TMEM132B: variants seen among roughly 807,000 people sequenced by gnomAD.
The protein encoded by TMEM132B is transmembrane protein 132B.
In TMEM132B, 18 loss-of-function variants were observed where a neutral mutation model predicts 90.8. The observed-to-expected ratio is 0.20, with a 90% CI of 0.14 to 0.29. TMEM132B has a LOEUF of 0.29. Among genes scored for constraint, TMEM132B ranks in the 10% least tolerant of loss-of-function variants. The pLI is 1.00. For synonymous variants in TMEM132B, 504 were observed against 523.3 expected, an observed-to-expected ratio of 0.96 and a Z score of 0.50; for missense variants, 1,096 against 1,326.8, an observed-to-expected ratio of 0.83 and a Z score of 2.70.
chr12:125,557,372 C>T (rs1289711017), intron 4 of TMEM132B, among the ~76,000 whole-genome samples: 4 of 152,036 alleles, frequency 2.6e-5, no homozygotes, highest in Non-Finnish European at 4.4e-5. Context: ...GGGTCTGCCT[C>T]CCCTGAGATC....
intron 3 of TMEM132B, among the ~76,000 whole-genome samples, chr12:125,467,440 C>T (rs1347261244): frequency 6.6e-6 from 1 of 152,022 alleles, no homozygotes; most frequent in Non-Finnish European, 1.5e-5. Flanking sequence ...CCTCCCCCAC[C>T]CTCTTCTTCT....
chr12:125,572,163 A>G (rs957510162), intron 4 of TMEM132B, among the ~76,000 whole-genome samples: 2 of 152,226 alleles, frequency 1.3e-5, no homozygotes, highest in African/African-American at 4.8e-5. Flanking sequence ...AGGACATACA[A>G]TGCATATTTA....
chr12:125,458,882 T>C lies in TMEM132B; in HGVS notation c.1106+43205T>C, dbSNP rs116571001. Among the ~76,000 whole-genome samples, 1,026 of 152,330 alleles carry C rather than the reference T, an allele frequency of 6.7e-3. 14 individuals are homozygous for C. Among genetic ancestry groups the C allele is most frequent in the African/African-American group, 0.023 (955 of 41,586 alleles). Reference sequence around the variant, plus strand: ...GGCTGTCTTTATTTTAGTTCCATGCTATGACACTCCTGACAGCACAGATGT... The same window carrying C: ...GGCTGTCTTTATTTTAGTTCCATGCCATGACACTCCTGACAGCACAGATGT... On this transcript the variant is annotated intron_variant, in intron 3 of 8. Coordinates refer to ENST00000682704, the MANE Select transcript of TMEM132B (RefSeq NM_001366854.1). This position sits in a 1 kb window ranked among gnomAD's most constrained non-coding sequence, Gnocchi z 4.9.
chr12:125,349,447 T>C lies in TMEM132B; in HGVS notation c.68-5T>C. 6.3e-7 allele frequency: 1 copy of C among 1,598,246 alleles called. No homozygotes were observed. Reference sequence around the variant, plus strand: ...TTTATTCTTTTGCTTTCCTTTCTTGTGCAGTGACAGAGAGTCGAGGGATTG... The same window carrying C: ...TTTATTCTTTTGCTTTCCTTTCTTGCGCAGTGACAGAGAGTCGAGGGATTG... On this transcript the variant is annotated splice_polypyrimidine_tract_variant and splice_region_variant and intron_variant, in intron 1 of 8. Coordinates refer to ENST00000682704, the MANE Select transcript of TMEM132B (RefSeq NM_001366854.1). The surrounding 1 kb of genome is among the most constrained non-coding windows in gnomAD (Gnocchi z 4.1).
At chr12:125,514,236 T>C (rs1883050673) in intron 3 of TMEM132B, among the ~76,000 whole-genome samples, 1 of 151,786 alleles carries the variant, frequency 6.6e-6, no homozygotes, top group Non-Finnish European at 1.5e-5. Flanking sequence ...GGGTATCCTA[T>C]TGGGTCTTTT....
chr12:125,403,950 T>C (rs904453535), intron 2 of TMEM132B, among the ~76,000 whole-genome samples: 1 of 152,168 alleles, frequency 6.6e-6, no homozygotes, highest in African/African-American at 2.4e-5. Context: ...TCTGGGATCT[T>C]TGATCTAAGG....
At chr12:125,515,257 CAT>C (rs1277345681) in intron 3 of TMEM132B, among the ~76,000 whole-genome samples, 1 of 150,798 alleles carries the variant, frequency 6.6e-6, no homozygotes, top group Non-Finnish European at 1.5e-5. Context: ...CACACACACA[CAT>C]TCATACATTC....
intron 3 of TMEM132B, among the ~76,000 whole-genome samples, chr12:125,499,600 G>T (rs929452731): frequency 1.3e-5 from 2 of 152,154 alleles, no homozygotes; most frequent in South Asian, 4.1e-4. Context: ...ATAAGTGGAC[G>T]CATGGGGGGT....
intron 5 of TMEM132B, among the ~76,000 whole-genome samples, chr12:125,601,504 A>G (rs1885570502): frequency 3.3e-5 from 5 of 152,214 alleles, no homozygotes; most frequent in Admixed American, 3.3e-4. Context: ...TGCCCACATT[A>G]GAAACCTAGA....
chr12:125,482,652 G>T (rs921046535), intron 3 of TMEM132B, among the ~76,000 whole-genome samples: 1 of 152,170 alleles, frequency 6.6e-6, no homozygotes, highest in Non-Finnish European at 1.5e-5. Flanking sequence ...TGGTGGGAGT[G>T]TAAACTAGTT....
chr12:125,622,314 A>G (rs1481572046), intron 5 of TMEM132B: 2 of 199,094 alleles, frequency 1.0e-5, no homozygotes, highest in African/African-American at 4.7e-5. Context: ...TTACACTGGA[A>G]TAGTATGTTA....
chr12:125,489,888 C>A (rs147930781), intron 3 of TMEM132B, among the ~76,000 whole-genome samples: 1 of 152,294 alleles, frequency 6.6e-6, no homozygotes, highest in African/African-American at 2.4e-5. Flanking sequence ...GGTTCTGGAA[C>A]CTTCAGAGGC....
At chr12:125,466,829 T>A (rs532506758) in intron 3 of TMEM132B, among the ~76,000 whole-genome samples, 35 of 152,218 alleles carry the variant, frequency 2.3e-4, no homozygotes, top group Admixed American at 6.5e-4. Context: ...CATTGAGGGC[T>A]TAGTCTGGAC....
In TMEM132B at chr12:125,445,807, A is replaced by G. The variant is rs367580142; in HGVS notation, c.1106+30130A>G. ...GTTGGCTCCTTTGACTTGGAGACAG[A>G]CATCTCACACCTCAGGCCATGTGCT... On this transcript the variant is annotated intron_variant, in intron 3 of 8. Coordinates refer to ENST00000682704, the MANE Select transcript of TMEM132B (RefSeq NM_001366854.1). This position sits in a 1 kb window ranked among gnomAD's most constrained non-coding sequence, Gnocchi z 4.3. 5.0e-4 allele frequency among the ~76,000 whole-genome samples: 76 copies of G among 152,272 alleles called. No individual in the cohort carries two copies. The highest frequency in any genetic ancestry group is 1.8e-3 in the African/African-American group (74 of 41,554).
chr12:125,367,328 G>A (rs552537109), intron 2 of TMEM132B, among the ~76,000 whole-genome samples: 1 of 152,212 alleles, frequency 6.6e-6, no homozygotes, highest in East Asian at 1.9e-4. Context: ...TTTTGTTTCA[G>A]CAGGCAATTA....
intron 4 of TMEM132B, among the ~76,000 whole-genome samples, chr12:125,574,902 C>A (rs1884897938): frequency 6.6e-6 from 1 of 150,842 alleles, no homozygotes; most frequent in Non-Finnish European, 1.5e-5. Flanking sequence ...GGACATATGG[C>A]ATTACCTCAC....
At chr12:125,503,043 C>T (rs1221365470) in intron 3 of TMEM132B, among the ~76,000 whole-genome samples, 2 of 152,212 alleles carry the variant, frequency 1.3e-5, no homozygotes, top group Non-Finnish European at 2.9e-5. Context: ...GTCCCAGACT[C>T]CTGGGATCTC....
At chr12:125,313,858 C>T (rs975456472) in intron 1 of TMEM132B, among the ~76,000 whole-genome samples, 1 of 150,966 alleles carries the variant, frequency 6.6e-6, no homozygotes, top group Non-Finnish European at 1.5e-5. Flanking sequence ...ACCAAAGGCT[C>T]CCTGCCTTTT....
intron 1 of TMEM132B, among the ~76,000 whole-genome samples, chr12:125,343,806 A>G (rs540580848): frequency 6.6e-6 from 1 of 152,320 alleles, no homozygotes; most frequent in South Asian, 2.1e-4. Context: ...GTTGGCAAAC[A>G]TAGCTGCCAG....
Sources: gnomAD v4.1 joint callset for allele counts (sites outside exome capture counted in the v4.1 genomes callset) on GRCh38, gnomAD v4.1.1 for gene constraint, Gnocchi (gnomAD v3.1) non-coding constraint, MANE v1.5 for transcripts, NCBI Gene and HGNC (gene_info 2026-07-23, HGNC 2026-07-21) for gene names.